The following C1QTNF3 variants were observed in gnomAD, a reference collection of about 807,000 sequenced individuals.
C1QTNF3 encodes complement C1q tumor necrosis factor-related protein 3.
In C1QTNF3, 26 loss-of-function variants were observed where a neutral mutation model predicts 32.6. That is an observed-to-expected ratio of 0.80 (90% CI 0.58 to 1.11). The LOEUF (loss-of-function observed/expected upper bound fraction) is 1.11, where lower values mean the gene tolerates loss of function less well. C1QTNF3 is among the 50% of genes least tolerant of loss of function. The pLI is 0.00. For synonymous variants in C1QTNF3, 155 were observed against 146.0 expected (o/e 1.06, Z -0.44); for missense variants, 362 against 398.2 (o/e 0.91, Z 0.77).
chr5:34,239,797 T>A, the C1QTNF3 span, among the ~76,000 whole-genome samples: 1 of 151,764 alleles, frequency 6.6e-6, no homozygotes, highest in Admixed American at 6.6e-5. Flanking sequence ...TAATAAGACA[T>A]CTACAGAACA....
At chr5:34,091,137 A>G in the C1QTNF3 span, among the ~76,000 whole-genome samples, 1 of 152,166 alleles carries the variant, frequency 6.6e-6, no homozygotes, top group Non-Finnish European at 1.5e-5. Context: ...ACCACTGCGC[A>G]GCCTGGAAAT....
the C1QTNF3 span, among the ~76,000 whole-genome samples, chr5:34,052,259 G>C: frequency 6.6e-6 from 1 of 152,204 alleles, no homozygotes; most frequent in African/African-American, 2.4e-5. Flanking sequence ...TCCTTAACTA[G>C]ATATGTTCTT....
intron 5 of C1QTNF3, among the ~76,000 whole-genome samples, chr5:34,022,967 T>C (rs1399322266): frequency 1.3e-5 from 2 of 152,188 alleles, no homozygotes; most frequent in Non-Finnish European, 2.9e-5. Flanking sequence ...GCCATTCTCC[T>C]GCCTCAGCCT....
At chr5:34,147,144 AAAT>A in the C1QTNF3 span, among the ~76,000 whole-genome samples, 2,128 of 152,022 alleles carry the variant, frequency 0.014, 56 homozygotes, top group African/African-American at 0.05. Context: ...AAAGTAAAAA[AAAT>A]AATAATAATA....
the C1QTNF3 span, among the ~76,000 whole-genome samples, chr5:34,146,209 C>G: frequency 6.6e-6 from 1 of 152,072 alleles, no homozygotes; most frequent in African/African-American, 2.4e-5. Flanking sequence ...GAAGATGACA[C>G]TAATAAATGG....
the C1QTNF3 span, among the ~76,000 whole-genome samples, chr5:34,099,459 A>C: frequency 9.2e-5 from 14 of 152,166 alleles, no homozygotes; most frequent in Non-Finnish European, 2.1e-4. Flanking sequence ...TATGAAAAAC[A>C]GTGTGAAAAT....
the C1QTNF3 span, among the ~76,000 whole-genome samples, chr5:34,229,923 C>A: frequency 6.6e-6 from 1 of 152,076 alleles, no homozygotes; most frequent in African/African-American, 2.4e-5. Context: ...GGTGGAGATA[C>A]TAGACCACCT....
At chr5:34,240,811 C>CA in the C1QTNF3 span, among the ~76,000 whole-genome samples, 34 of 150,026 alleles carry the variant, frequency 2.3e-4, no homozygotes, top group South Asian at 6.4e-4. Context: ...GGCAGAGACG[C>CA]AAAAAAAAAG....
the C1QTNF3 span, among the ~76,000 whole-genome samples, chr5:34,116,358 G>C: frequency 3.3e-5 from 5 of 152,272 alleles, no homozygotes; most frequent in Non-Finnish European, 7.4e-5. Context: ...ACAGTTAGTT[G>C]TGTGTTAAAA....
At chr5:34,243,653 T>C in the C1QTNF3 span, among the ~76,000 whole-genome samples, 7 of 152,014 alleles carry the variant, frequency 4.6e-5, no homozygotes, top group South Asian at 2.1e-4. Flanking sequence ...AATGAAATTA[T>C]GTCCTTTGCA....
At chr5:34,098,690 C>G in the C1QTNF3 span, among the ~76,000 whole-genome samples, 3 of 151,756 alleles carry the variant, frequency 2.0e-5, no homozygotes, top group Non-Finnish European at 1.5e-5. Context: ...CTGAGGGTGG[C>G]TGAGTCTATC....
chr5:34,054,728 T>C, the C1QTNF3 span, among the ~76,000 whole-genome samples: 1 of 150,864 alleles, frequency 6.6e-6, no homozygotes, highest in East Asian at 1.9e-4. Context: ...CAATAAGTGG[T>C]GATTCTAAAC....
chr5:34,104,008 T>A, the C1QTNF3 span, among the ~76,000 whole-genome samples: 1 of 146,654 alleles, frequency 6.8e-6, no homozygotes, highest in Non-Finnish European at 1.5e-5. Flanking sequence ...CATCACTTAC[T>A]CCCAATATGA....
upstream of C1QTNF3, among the ~76,000 whole-genome samples, chr5:34,046,484 A>G (rs1228466980): frequency 6.6e-6 from 1 of 152,208 alleles, no homozygotes; most frequent in African/African-American, 2.4e-5. Context: ...GTGAAAATGA[A>G]AGCAGGGATG....
intron 1 of C1QTNF3, among the ~76,000 whole-genome samples, chr5:34,037,198 G>A (rs1424811252): frequency 6.6e-6 from 1 of 152,134 alleles, no homozygotes; most frequent in Non-Finnish European, 1.5e-5. Flanking sequence ...TATTAATTAT[G>A]TCATACAAAA....
the C1QTNF3 span, among the ~76,000 whole-genome samples, chr5:34,063,189 G>GT: frequency 6.6e-6 from 1 of 152,028 alleles, no homozygotes; most frequent in Non-Finnish European, 1.5e-5. Flanking sequence ...GGGGTACACT[G>GT]TTTTTTTCTT....
At chr5:34,197,796 A>G in the C1QTNF3 span, among the ~76,000 whole-genome samples, 1 of 152,118 alleles carries the variant, frequency 6.6e-6, no homozygotes, top group South Asian at 2.1e-4. Flanking sequence ...AATGTTTCTA[A>G]TGGTACCGGC....
chr5:34,158,106 C>CTTT, the C1QTNF3 span: 6 of 131,798 alleles, frequency 4.6e-5, no homozygotes, highest in African/African-American at 5.6e-5. Flanking sequence ...GGCTGCTTTT[C>CTTT]TTTTTTTTTT....
chr5:34,059,893 G>A, the C1QTNF3 span, among the ~76,000 whole-genome samples: 2 of 152,132 alleles, frequency 1.3e-5, no homozygotes, highest in Non-Finnish European at 2.9e-5. Context: ...GCCCTACTAT[G>A]TGCTGAGTCT....
Sources: allele counts gnomAD v4.1 joint callset (sites outside exome capture counted in the v4.1 genomes callset), GRCh38; gene constraint gnomAD v4.1.1; transcripts MANE v1.5; gene names NCBI Gene and HGNC (gene_info 2026-07-23, HGNC 2026-07-21).